Variants in ZNF536 observed in about 807,000 individuals in gnomAD.
The protein encoded by ZNF536 is zinc finger protein 536.
A neutral mutation model predicts 84.5 loss-of-function variants in ZNF536; 13 were observed. The ratio of observed to expected loss-of-function variants is 0.15; its 90% CI spans 0.10 to 0.24. The LOEUF (loss-of-function observed/expected upper bound fraction) is 0.24, where lower values mean the gene tolerates loss of function less well. Among genes scored for constraint, ZNF536 ranks in the 10% least tolerant of loss-of-function variants. The pLI is 1.00. For missense variants in ZNF536, 1,536 were observed against 1,747.5 expected, an observed-to-expected ratio of 0.88 and a Z score of 2.16; for synonymous variants, 811 against 742.5, an observed-to-expected ratio of 1.09 and a Z score of -1.50.
At chr19:30,536,282 G>A (rs1388712108) in intron 3 of ZNF536, among the ~76,000 whole-genome samples, 2 of 152,064 alleles carry the variant, frequency 1.3e-5, no homozygotes, top group African/African-American at 4.8e-5. Context: ...CTGTGTTCCT[G>A]CCCCTCCCTC....
chr19:30,516,516 C>T (rs2044078945), intron 2 of ZNF536, among the ~76,000 whole-genome samples: 1 of 152,202 alleles, frequency 6.6e-6, no homozygotes, highest in South Asian at 2.1e-4. Context: ...TTTCTTTCTC[C>T]TTGAAGAAGC....
chr19:30,270,730 G>C (rs2145451627), intron 1 of ZNF536, among the ~76,000 whole-genome samples: 1 of 150,346 alleles, frequency 6.7e-6, no homozygotes, highest in East Asian at 2.0e-4. Flanking sequence ...CAAATTACAT[G>C]GTAGCTGGGA....
intron 1 of ZNF536, among the ~76,000 whole-genome samples, chr19:30,666,097 T>C (rs2050307535): frequency 6.6e-6 from 1 of 152,126 alleles, no homozygotes; most frequent in African/African-American, 2.4e-5. Context: ...GTTTGTTGCT[T>C]TAGGGTTGAT....
intron 2 of ZNF536, among the ~76,000 whole-genome samples, chr19:30,466,631 GT>G (rs71173907): frequency 0.34 from 48,880 of 142,502 alleles, 11,458 homozygotes; most frequent in African/African-American, 0.65. Context: ...CATTTTAACT[GT>G]TTTTTTTTTG....
At chr19:30,562,777 G>A (rs1202186756), downstream of ZNF536, among the ~76,000 whole-genome samples, 2 of 151,690 alleles carry the variant, frequency 1.3e-5, no homozygotes, top group Non-Finnish European at 2.9e-5. Flanking sequence ...TGCACTCACG[G>A]GGCACGGAAG....
At chr19:30,670,362 T>C (rs1379056706) in intron 1 of ZNF536, among the ~76,000 whole-genome samples, 1 of 152,220 alleles carries the variant, frequency 6.6e-6, no homozygotes, top group East Asian at 1.9e-4. Flanking sequence ...GTGGCATTCA[T>C]TTGGGCTGGG....
chr19:30,408,392 C>T (rs950753630), intron 1 of ZNF536, among the ~76,000 whole-genome samples: 3 of 152,178 alleles, frequency 2.0e-5, no homozygotes, highest in Non-Finnish European at 4.4e-5. Flanking sequence ...TGTGAGCCAG[C>T]CTCCCCTCCC....
chr19:30,455,463 A>C (rs1222157360), intron 2 of ZNF536, among the ~76,000 whole-genome samples: 1 of 152,156 alleles, frequency 6.6e-6, no homozygotes, highest in Non-Finnish European at 1.5e-5. Context: ...ACACTTTGGG[A>C]GGCCGAGGTG....
intron 2 of ZNF536, among the ~76,000 whole-genome samples, chr19:30,473,274 G>C (rs1036360655): frequency 4.6e-5 from 7 of 151,938 alleles, no homozygotes; most frequent in Non-Finnish European, 8.8e-5. Flanking sequence ...CTTGAGATTA[G>C]GGGGAGCTGG....
In ZNF536 at chr19:30,304,236, C is replaced by T. The variant is rs191298089; in HGVS notation, c.-120+20095C>T. 1.3e-4 allele frequency among the ~76,000 whole-genome samples: 20 copies of T among 152,304 alleles called. No individual in the cohort carries two copies. In the South Asian group the frequency reaches 3.1e-3, roughly 24 times the overall value. On this transcript the variant is annotated intron_variant, in intron 2 of 5. Transcript: ENST00000585628. ...GCACAAACTTCCTGCACAAACCGCC[C>T]GCATTTGCATCTTCATCTCAGGCCT...
chr19:30,439,378 C>A (rs762634719), intron 1 of ZNF536, among the ~76,000 whole-genome samples: 1 of 152,126 alleles, frequency 6.6e-6, no homozygotes, highest in African/African-American at 2.4e-5. Context: ...AAGGAATAAA[C>A]GCATTCTGGA....
At chr19:30,615,504 GTTTCAAACCATATCAATGATTTTGCAA>G (rs1238599978) in intron 1 of ZNF536, among the ~76,000 whole-genome samples, 1 of 150,848 alleles carries the variant, frequency 6.6e-6, no homozygotes, top group Non-Finnish European at 1.5e-5. Context: ...TTCTGCACCT[GTTTCAAACCATATCAATGATTTTGCAA>G]TTCAGTGTAG....
chr19:30,395,684 T>A (rs138495568), intron 1 of ZNF536, among the ~76,000 whole-genome samples: 1 of 152,306 alleles, frequency 6.6e-6, no homozygotes, highest in African/African-American at 2.4e-5. Flanking sequence ...TGTGGCTGAG[T>A]CTGAGAGGCA....
At position 30,548,838 on chromosome 19, in the gene ZNF536, C is replaced by T. The variant is rs970220842; in HGVS notation, c.3219C>T (p.Asp1073=). ...LGLSNMISSL[D]SASEKMAQGQ... is the part of the protein sequence containing the mutation. ...TCTCCAATATGATCAGCTCTCTAGA[C>T]TCTGCTTCTGAGAAGATGGCCCAAG... Residue 1073 remains aspartate (D), a synonymous_variant, in exon 4 of 5, where the codon GAC becomes GAT. Coordinates refer to ENST00000355537, the MANE Select transcript of ZNF536 (RefSeq NM_014717.3). 1 of 1,614,016 alleles carries T rather than the reference C, an allele frequency of 6.2e-7. No homozygotes were observed. The highest frequency in any genetic ancestry group is 1.3e-5 in the African/African-American group (1 of 74,932).
intron 1 of ZNF536, among the ~76,000 whole-genome samples, chr19:30,236,738 A>G (rs546086646): frequency 3.9e-5 from 6 of 152,298 alleles, no homozygotes; most frequent in African/African-American, 1.2e-4. Context: ...TAGCTCAGCC[A>G]GGGTCTGGTC....
At chr19:30,667,972 G>T (rs1468821802) in intron 1 of ZNF536, among the ~76,000 whole-genome samples, 1 of 152,074 alleles carries the variant, frequency 6.6e-6, no homozygotes, top group East Asian at 1.9e-4. Flanking sequence ...GCTGGTAATT[G>T]GCAGGGCTAG....
intron 1 of ZNF536, among the ~76,000 whole-genome samples, chr19:30,432,340 G>A (rs563286261): frequency 6.6e-6 from 1 of 152,194 alleles, no homozygotes; most frequent in East Asian, 1.9e-4. Flanking sequence ...CATAGGGTGG[G>A]ATTCTCTATG....
At chr19:30,385,873 G>T (rs769905940) in intron 1 of ZNF536, among the ~76,000 whole-genome samples, 2 of 152,194 alleles carry the variant, frequency 1.3e-5, no homozygotes, top group African/African-American at 2.4e-5. Flanking sequence ...TGGAGCCACA[G>T]CCACATAGAG....
chr19:30,339,856 G>A (rs1393817764), intron 2 of ZNF536, among the ~76,000 whole-genome samples: 1 of 152,158 alleles, frequency 6.6e-6, no homozygotes, highest in East Asian at 1.9e-4. Context: ...GAAGCAGGGT[G>A]GGCTCCTCTG....
Sources: gnomAD v4.1 joint callset for allele counts (sites outside exome capture counted in the v4.1 genomes callset) on GRCh38, gnomAD v4.1.1 for gene constraint, MANE v1.5 for transcripts, NCBI Gene and HGNC (gene_info 2026-07-23, HGNC 2026-07-21) for gene names.